OR7C1: variants seen among roughly 807,000 people sequenced by gnomAD.
OR7C1 encodes olfactory receptor family 7 subfamily C member 1.
For missense variants in OR7C1, 324 were observed against 383.3 expected, an observed-to-expected ratio of 0.85 and a Z score of 1.29; for synonymous variants, 152 against 160.7, an observed-to-expected ratio of 0.95 and a Z score of 0.41.
At chr19:14,809,711 CCT>C (rs1258283242) in intron 2 of OR7C1, 93 bp downstream of exon 2, 1 of 152,144 alleles carries the variant, frequency 6.6e-6, no homozygotes, top group Non-Finnish European at 1.5e-5. Flanking sequence ...TTGAATCAAT[CCT>C]CTTTCACCAT....
At chr19:14,800,889 A>G (rs1173746226) in intron 2 of OR7C1, 125 bp from the exon 3 acceptor site, 1 of 152,184 alleles carries the variant, frequency 6.6e-6, no homozygotes, top group Non-Finnish European at 1.5e-5. Flanking sequence ...TGCCTCCTCA[A>G]AGGGGACTAT....
At chr19:14,816,806 G>T (rs1197469839) in intron 1 of OR7C1, among the ~76,000 whole-genome samples, 2 of 152,182 alleles carry the variant, frequency 1.3e-5, no homozygotes, top group East Asian at 3.8e-4. Context: ...TAGGAGGTTA[G>T]ATATCTGGAA....
intron 1 of OR7C1, among the ~76,000 whole-genome samples, chr19:14,820,161 C>T (rs1182461769): frequency 2.6e-5 from 4 of 152,156 alleles, no homozygotes; most frequent in African/African-American, 9.7e-5. Flanking sequence ...ATCTGCCCAC[C>T]TTGGCCTCCC....
intron 1 of OR7C1, among the ~76,000 whole-genome samples, chr19:14,814,612 CG>C (rs1236243336): frequency 1.3e-5 from 2 of 151,864 alleles, no homozygotes; most frequent in Non-Finnish European, 2.9e-5. Flanking sequence ...TTAGTAGAGA[CG>C]GGGGTTTCAC....
chr19:14,802,658 G>A (rs1309427728), intron 2 of OR7C1, among the ~76,000 whole-genome samples: 4 of 152,228 alleles, frequency 2.6e-5, no homozygotes, highest in Non-Finnish European at 1.5e-5. Flanking sequence ...CTATCCACAA[G>A]TGTCTGGGGA....
At chr19:14,807,903 AAAAC>A (rs1273101922) in intron 2 of OR7C1, among the ~76,000 whole-genome samples, 7 of 151,828 alleles carry the variant, frequency 4.6e-5, no homozygotes, top group East Asian at 3.9e-4. Context: ...CTCAAAAAAA[AAAAC>A]AAACAAACAG....
exon 5 of OR7C1, chr19:14,798,785 G>C (rs1253160374): frequency 5.9e-6 from 1 of 169,606 alleles, no homozygotes; most frequent in Non-Finnish European, 1.3e-5. Context: ...CATGTTGCCT[G>C]TTCCTTTGCT....
chr19:14,805,979 G>C (rs1424139030), intron 2 of OR7C1, among the ~76,000 whole-genome samples: 1 of 151,920 alleles, frequency 6.6e-6, no homozygotes, highest in African/African-American at 2.4e-5. Flanking sequence ...ATGGTGACTT[G>C]TTAATTGGAG....
At chr19:14,803,263 C>T (rs907475628) in intron 2 of OR7C1, among the ~76,000 whole-genome samples, 1 of 146,162 alleles carries the variant, frequency 6.8e-6, no homozygotes, top group Non-Finnish European at 1.5e-5. Context: ...GCCGAGATCA[C>T]ACCACTGCAC....
intron 2 of OR7C1, among the ~76,000 whole-genome samples, chr19:14,806,696 C>T (rs949530359): frequency 4.0e-5 from 6 of 151,892 alleles, no homozygotes; most frequent in Non-Finnish European, 7.3e-5. Context: ...CATCCATGTC[C>T]CTGCAAAGGA....
chr19:14,799,631 C>T (rs2044629647), exon 5 of OR7C1: 2 of 1,613,930 alleles, frequency 1.2e-6, no homozygotes, highest in Non-Finnish European at 1.7e-6. Flanking sequence ...CATTTCGGTG[C>T]AGAAGGACAG....
At chr19:14,813,330 G>A (rs767144148) in intron 1 of OR7C1, among the ~76,000 whole-genome samples, 11 of 152,160 alleles carry the variant, frequency 7.2e-5, no homozygotes, top group East Asian at 5.8e-4. Context: ...TGAGGTGGGC[G>A]GATCACAAGG....
intron 2 of OR7C1, among the ~76,000 whole-genome samples, chr19:14,802,647 A>G (rs1220214881): frequency 6.6e-6 from 1 of 152,252 alleles, no homozygotes; most frequent in Non-Finnish European, 1.5e-5. Flanking sequence ...AGACAAATGA[A>G]CTATCCACAA....
At chr19:14,817,567 C>T (rs2044721683) in intron 1 of OR7C1, among the ~76,000 whole-genome samples, 1 of 152,174 alleles carries the variant, frequency 6.6e-6, no homozygotes, top group Non-Finnish European at 1.5e-5. Flanking sequence ...CCCAGGAGCC[C>T]TCAGCAGGTT....
At chr19:14,832,953 A>T (rs534985320) in intron 1 of OR7C1, among the ~76,000 whole-genome samples, 1 of 152,214 alleles carries the variant, frequency 6.6e-6, no homozygotes, top group Non-Finnish European at 1.5e-5. Context: ...TATGGCATAC[A>T]CTGTTCATAA....
At chr19:14,832,655 GACCCCGTGATCC>G (rs2044845014) in intron 1 of OR7C1, among the ~76,000 whole-genome samples, 1 of 150,978 alleles carries the variant, frequency 6.6e-6, no homozygotes, top group African/African-American at 2.4e-5. Flanking sequence ...TCGATCTCCT[GACCCCGTGATCC>G]ACCCACCTCG....
At chr19:14,830,116 G>C (rs1457551010) in intron 1 of OR7C1, among the ~76,000 whole-genome samples, 1 of 152,156 alleles carries the variant, frequency 6.6e-6, no homozygotes, top group African/African-American at 2.4e-5. Flanking sequence ...TTCCACTTTG[G>C]CCTCCCAAAG....
In OR7C1 at chr19:14,807,712, C is replaced by T. The variant is rs567594419; in HGVS notation, c.-435+2094G>A. 4.0e-5 allele frequency among the ~76,000 whole-genome samples: 6 copies of T among 151,796 alleles called. No individual in the cohort carries two copies. In the South Asian group the frequency reaches 1.0e-3, roughly 26 times the overall value. On this transcript the variant is annotated intron_variant, in intron 2 of 4. Transcript: ENST00000641666. Reference sequence around the variant, plus strand: ...GAGACTGAGACCATCCTGGCTAACACGGTGAAACCCTGTCTCTACTAAAAA... The same window carrying T: ...GAGACTGAGACCATCCTGGCTAACATGGTGAAACCCTGTCTCTACTAAAAA...
At chr19:14,800,986 T>C (rs1239830469) in intron 2 of OR7C1, among the ~76,000 whole-genome samples, 1 of 152,204 alleles carries the variant, frequency 6.6e-6, no homozygotes, top group African/African-American at 2.4e-5. Flanking sequence ...TTTTCTTCTC[T>C]TCTCCCTATT....
Sources: allele counts gnomAD v4.1 joint callset (sites outside exome capture counted in the v4.1 genomes callset), GRCh38; gene constraint gnomAD v4.1.1; transcripts MANE v1.5; gene names NCBI Gene and HGNC (gene_info 2026-07-23, HGNC 2026-07-21).